Variants in NELL1 observed in about 807,000 individuals in gnomAD.
NELL1 encodes neural EGFL like 1, also known as protein kinase C-binding protein NELL1.
NELL1 carries 76 observed loss-of-function variants against 107.4 expected under a neutral mutation model. The observed-to-expected ratio is 0.71, with a 90% CI of 0.59 to 0.86. NELL1 has a LOEUF of 0.86. NELL1 is among the 40% of genes least tolerant of loss of function. The pLI, the probability that NELL1 is intolerant of heterozygous loss-of-function variation, is 0.00. For synonymous variants in NELL1, 353 were observed against 341.2 expected (o/e 1.03, Z -0.38); for missense variants, 1,024 against 1,005.5 (o/e 1.02, Z -0.25).
At chr11:21,025,537 T>C (rs1359648166) in intron 12 of NELL1, among the ~76,000 whole-genome samples, 1 of 151,888 alleles carries the variant, frequency 6.6e-6, no homozygotes, top group Non-Finnish European at 1.5e-5. Flanking sequence ...TTACATTATG[T>C]ATATATCCTG....
chr11:21,057,058 A>G (rs189159821), intron 12 of NELL1, among the ~76,000 whole-genome samples: 1 of 152,256 alleles, frequency 6.6e-6, no homozygotes, highest in East Asian at 1.9e-4. Flanking sequence ...GGCTTGAAAA[A>G]CAAAAGATAA....
In NELL1 at chr11:20,692,028, G is replaced by A. The variant is rs867080989; in HGVS notation, c.184+13968G>A. 5.5e-3 allele frequency among the ~76,000 whole-genome samples: 821 copies of A among 150,120 alleles called. 3 individuals carry two copies. The highest frequency in any genetic ancestry group is 9.0e-3 in the Non-Finnish European group (602 of 67,240). The stretch of plus-strand genomic sequence containing the variant: ...TTAGTCTTGGGAGAGTGTATGTGTC[G>A]AGGAATTTATCCATTTCTTCTAGAT... On this transcript the variant is annotated intron_variant, in intron 2 of 19. Coordinates refer to ENST00000357134, the MANE Select transcript of NELL1 (RefSeq NM_006157.5).
chr11:20,937,725 C>T, intron 9 of NELL1, 61 bp from the exon 10 acceptor site: 1 of 1,194,002 alleles, frequency 8.4e-7, no homozygotes, highest in Non-Finnish European at 1.3e-6. Flanking sequence ...TTAGAAGGTA[C>T]CTCTGAGGTC....
chr11:21,297,571 A>G (rs1243964510), intron 14 of NELL1, among the ~76,000 whole-genome samples: 5 of 152,022 alleles, frequency 3.3e-5, no homozygotes, highest in Non-Finnish European at 7.4e-5. Flanking sequence ...GTGTATACTC[A>G]GTAACCTCAT....
chr11:21,540,348 A>G (rs1261104610), intron 16 of NELL1, among the ~76,000 whole-genome samples: 3 of 152,082 alleles, frequency 2.0e-5, no homozygotes, highest in Non-Finnish European at 2.9e-5. Flanking sequence ...CCCAACCTGC[A>G]CACCCTTCCC....
chr11:20,807,227 T>C (rs971402481), intron 3 of NELL1, among the ~76,000 whole-genome samples: 6 of 152,194 alleles, frequency 3.9e-5, no homozygotes, highest in African/African-American at 1.2e-4. Context: ...GGTGTTGTGA[T>C]CTATGTTTTT....
chr11:20,723,922 A>G (rs1855451539), intron 2 of NELL1, among the ~76,000 whole-genome samples: 1 of 152,234 alleles, frequency 6.6e-6, no homozygotes, highest in Non-Finnish European at 1.5e-5. Context: ...CACCACATGG[A>G]AACTGCCAGG....
intron 13 of NELL1, among the ~76,000 whole-genome samples, chr11:21,114,158 G>A (rs569675295): frequency 6.6e-6 from 1 of 151,906 alleles, no homozygotes; most frequent in Non-Finnish European, 1.5e-5. Context: ...TAGGTATATG[G>A]GAGCTGGTCG....
intron 11 of NELL1, among the ~76,000 whole-genome samples, chr11:20,948,964 T>C (rs1327296758): frequency 1.3e-5 from 2 of 152,036 alleles, no homozygotes; most frequent in African/African-American, 4.8e-5. Context: ...TTTTTTCCTA[T>C]CTTTTCTGTA....
chr11:21,009,230 A>G (rs1264478226), intron 12 of NELL1, among the ~76,000 whole-genome samples: 5 of 152,162 alleles, frequency 3.3e-5, no homozygotes, highest in African/African-American at 4.8e-5. Flanking sequence ...GCATTGATCC[A>G]TCCCTATGTT....
intron 3 of NELL1, among the ~76,000 whole-genome samples, chr11:20,802,014 T>C (rs1857289933): frequency 6.6e-6 from 1 of 152,202 alleles, no homozygotes. Flanking sequence ...AGTCAGGTAA[T>C]GTGATTCCTC....
intron 3 of NELL1, among the ~76,000 whole-genome samples, chr11:20,791,255 C>T (rs749826569): frequency 6.6e-6 from 1 of 151,970 alleles, no homozygotes; most frequent in Non-Finnish European, 1.5e-5. Flanking sequence ...TCATTTCTTT[C>T]AATTTTTTTT....
intron 2 of NELL1, among the ~76,000 whole-genome samples, chr11:20,751,134 T>C (rs929085592): frequency 2.6e-5 from 4 of 152,206 alleles, no homozygotes; most frequent in Admixed American, 2.6e-4. Flanking sequence ...TACTGCAGTT[T>C]TATGGTAAAT....
chr11:21,199,801 C>T (rs1377483433), intron 13 of NELL1, among the ~76,000 whole-genome samples: 1 of 151,602 alleles, frequency 6.6e-6, no homozygotes, highest in Admixed American at 6.6e-5. Context: ...TCCCCAGCCC[C>T]CCACCCCCCA....
intron 3 of NELL1, among the ~76,000 whole-genome samples, chr11:20,832,598 C>T (rs1858034966): frequency 6.6e-6 from 1 of 152,148 alleles, no homozygotes; most frequent in South Asian, 2.1e-4. Flanking sequence ...ACATATGGCA[C>T]ATCTCACAGA....
chr11:21,549,499 G>T (rs561782185), intron 16 of NELL1, among the ~76,000 whole-genome samples: 1 of 151,780 alleles, frequency 6.6e-6, no homozygotes, highest in East Asian at 1.9e-4. Context: ...CCAAGAGAAC[G>T]AATTGTGTCT....
At chr11:21,559,607 T>G (rs975884769) in intron 16 of NELL1, among the ~76,000 whole-genome samples, 1 of 152,154 alleles carries the variant, frequency 6.6e-6, no homozygotes, top group African/African-American at 2.4e-5. Flanking sequence ...ATAGTAAGAC[T>G]TTGACTATAA....
intron 14 of NELL1, among the ~76,000 whole-genome samples, chr11:21,357,507 T>G (rs2133731216): frequency 6.6e-6 from 1 of 152,316 alleles, no homozygotes; most frequent in Admixed American, 6.5e-5. Context: ...ATTATTTGTT[T>G]TTTCTTGCTG....
intron 2 of NELL1, among the ~76,000 whole-genome samples, chr11:20,731,945 A>AC (rs1855655700): frequency 6.6e-6 from 1 of 152,132 alleles, no homozygotes; most frequent in Non-Finnish European, 1.5e-5. Context: ...TGAGTAAAAG[A>AC]CTTCCCTTCA....
Sources: allele counts gnomAD v4.1 joint callset (sites outside exome capture counted in the v4.1 genomes callset), GRCh38; gene constraint gnomAD v4.1.1; transcripts MANE v1.5; gene names NCBI Gene and HGNC (gene_info 2026-07-23, HGNC 2026-07-21).